The following HDAC9 variants were observed in gnomAD, a reference collection of about 807,000 sequenced individuals.
The protein encoded by HDAC9 is MEF-2 interacting transcription repressor (MITR) protein.
Under a neutral mutation model 139.4 loss-of-function variants are expected in HDAC9, and 41 were observed. The ratio of observed to expected loss-of-function variants is 0.29; its 90% CI spans 0.23 to 0.38. The LOEUF (loss-of-function observed/expected upper bound fraction) is 0.38, where lower values mean the gene tolerates loss of function less well. HDAC9 is among the 10% of genes least tolerant of loss of function. The pLI is 1.00. For synonymous variants in HDAC9, 517 were observed against 476.2 expected, an observed-to-expected ratio of 1.09 and a Z score of -1.12; for missense variants, 1,147 against 1,297.0, an observed-to-expected ratio of 0.88 and a Z score of 1.78.
intron 8 of HDAC9, among the ~76,000 whole-genome samples, chr7:18,638,236 G>A (rs761772588): frequency 6.6e-6 from 1 of 152,058 alleles, no homozygotes; most frequent in Non-Finnish European, 1.5e-5. Context: ...CAGAGCCCAT[G>A]TAAATGAATG....
chr7:18,713,123 A>G (rs886912240), intron 12 of HDAC9, among the ~76,000 whole-genome samples: 3 of 152,210 alleles, frequency 2.0e-5, no homozygotes, highest in African/African-American at 7.2e-5. Flanking sequence ...GCAGAACAGA[A>G]AAGTCTATTT....
chr7:18,126,146 G>A (rs1004508579), intron 1 of HDAC9, among the ~76,000 whole-genome samples: 10 of 152,028 alleles, frequency 6.6e-5, no homozygotes, highest in African/African-American at 1.7e-4. Flanking sequence ...GTATTGATTC[G>A]CTTGTGTCCT....
chr7:18,142,526 G>A (rs1435138099), intron 1 of HDAC9, among the ~76,000 whole-genome samples: 3 of 152,186 alleles, frequency 2.0e-5, no homozygotes, highest in East Asian at 3.9e-4. Flanking sequence ...TGAAGTGAAC[G>A]TCACCACATG....
Position 18,732,967 on chromosome 7 carries a change from GTA to G in HDAC9, c.1909+5215_1909+5216del, listed in dbSNP as rs1231726265. ...TACACACGTGTATGTGTGTGTATGT[GTA>G]TATACACATGTGTATGTGTGTGTAT... On this transcript the variant is annotated intron_variant, in intron 13 of 25. Transcript: ENST00000686413. Among the ~76,000 whole-genome samples, 115 of 132,544 alleles carry G rather than the reference GTA, an allele frequency of 8.7e-4. 6 individuals are homozygous for G. The highest frequency in any genetic ancestry group is 3.9e-3 in the Middle Eastern group (1 of 258). 87.0% of individuals were successfully genotyped at this position (132,544 alleles called of 152,430 possible).
chr7:18,398,248 A>G (rs999775424), intron 1 of HDAC9, among the ~76,000 whole-genome samples: 4 of 152,196 alleles, frequency 2.6e-5, no homozygotes. Context: ...ACAACTCAGA[A>G]AAACATAGAC....
chr7:18,522,064 T>A (rs1206075061), intron 2 of HDAC9, among the ~76,000 whole-genome samples: 1 of 152,158 alleles, frequency 6.6e-6, no homozygotes, highest in African/African-American at 2.4e-5. Context: ...GAAGACAGGA[T>A]GTAAGTCTCC....
intron 1 of HDAC9, among the ~76,000 whole-genome samples, chr7:18,140,652 T>A (rs1214947794): frequency 1.3e-5 from 2 of 152,160 alleles, no homozygotes; most frequent in Non-Finnish European, 2.9e-5. Context: ...TAAAATAAGT[T>A]ATTGGTTGGT....
chr7:18,512,553 A>T (rs1801857823), intron 2 of HDAC9, among the ~76,000 whole-genome samples: 1 of 152,226 alleles, frequency 6.6e-6, no homozygotes, highest in Non-Finnish European at 1.5e-5. Flanking sequence ...TTCCCAAATT[A>T]ATCTACATAT....
At chr7:18,216,250 T>G (rs1486659289) in intron 2 of HDAC9, among the ~76,000 whole-genome samples, 1 of 152,152 alleles carries the variant, frequency 6.6e-6, no homozygotes, top group Non-Finnish European at 1.5e-5. Flanking sequence ...ACTGTTCTTA[T>G]TGGCATATTT....
At chr7:18,869,055 G>C (rs565391149) in intron 21 of HDAC9, among the ~76,000 whole-genome samples, 8 of 152,110 alleles carry the variant, frequency 5.3e-5, no homozygotes, top group East Asian at 3.9e-4. Flanking sequence ...GCTTCTCTGA[G>C]TTCTGTGAAG....
intron 21 of HDAC9, among the ~76,000 whole-genome samples, chr7:18,862,608 C>T (rs1452745194): frequency 6.6e-6 from 1 of 152,084 alleles, no homozygotes; most frequent in Non-Finnish European, 1.5e-5. Flanking sequence ...CTCACCTTTC[C>T]CCCTCTCCAT....
At chr7:18,616,698 C>A (rs1838694343) in intron 6 of HDAC9, among the ~76,000 whole-genome samples, 1 of 151,930 alleles carries the variant, frequency 6.6e-6, no homozygotes, top group African/African-American at 2.4e-5. Context: ...TAACAGATGC[C>A]CAGGTGACTT....
chr7:18,938,388 G>T (rs928971050), intron 23 of HDAC9, among the ~76,000 whole-genome samples: 1 of 152,080 alleles, frequency 6.6e-6, no homozygotes, highest in Non-Finnish European at 1.5e-5. Flanking sequence ...GAGGTCATGA[G>T]ATCAAGACCA....
At chr7:18,756,612 A>G (rs1788898332) in intron 14 of HDAC9, among the ~76,000 whole-genome samples, 1 of 152,244 alleles carries the variant, frequency 6.6e-6, no homozygotes, top group Admixed American at 6.5e-5. Context: ...GTTATTTCAC[A>G]TAGAATCCTA....
At chr7:18,538,310 C>T (rs1263686392) in intron 2 of HDAC9, among the ~76,000 whole-genome samples, 3 of 152,064 alleles carry the variant, frequency 2.0e-5, no homozygotes, top group African/African-American at 7.2e-5. Flanking sequence ...TCAGCCACAG[C>T]CTTGTGAAAT....
intron 15 of HDAC9, among the ~76,000 whole-genome samples, chr7:18,762,929 A>G (rs939555648): frequency 2.0e-5 from 3 of 152,190 alleles, no homozygotes; most frequent in African/African-American, 4.8e-5. Flanking sequence ...TGAGTGATAG[A>G]AACAACAGGT....
At chr7:18,741,071 G>C (rs190540878) in intron 13 of HDAC9, among the ~76,000 whole-genome samples, 1 of 152,236 alleles carries the variant, frequency 6.6e-6, no homozygotes, top group Non-Finnish European at 1.5e-5. Flanking sequence ...TCTGTAACAT[G>C]AAAGTGGAAG....
At chr7:18,360,421 A>C (rs1158300423) in intron 1 of HDAC9, among the ~76,000 whole-genome samples, 1 of 152,048 alleles carries the variant, frequency 6.6e-6, no homozygotes, top group Non-Finnish European at 1.5e-5. Context: ...ACATGCATCA[A>C]CCTTATGACT....
chr7:18,991,505 C>T (rs1019176603), intron 25 of HDAC9, among the ~76,000 whole-genome samples: 1 of 152,076 alleles, frequency 6.6e-6, no homozygotes, highest in Admixed American at 6.5e-5. Context: ...GGTGTGGTGG[C>T]AGGCACCTGT....
Sources: allele counts gnomAD v4.1 joint callset (sites outside exome capture counted in the v4.1 genomes callset), GRCh38; gene constraint gnomAD v4.1.1; transcripts MANE v1.5; gene names NCBI Gene and HGNC (gene_info 2026-07-23, HGNC 2026-07-21).